Variants in USP19 observed in about 807,000 individuals in gnomAD.
USP19 encodes the protein ubiquitin specific peptidase 19, also known as ubiquitin carboxyl-terminal hydrolase 19.
USP19 carries 40 observed loss-of-function variants against 144.8 expected under a neutral mutation model. That is an observed-to-expected ratio of 0.28 (90% CI 0.21 to 0.36). The LOEUF is 0.36. Ranked by LOEUF, USP19 falls within the 10% of genes least tolerant of loss-of-function variation. USP19 has a pLI of 1.00. For synonymous variants in USP19, 701 were observed against 709.3 expected, an observed-to-expected ratio of 0.99 and a Z score of 0.19; for missense variants, 1,518 against 1,822.5, an observed-to-expected ratio of 0.83 and a Z score of 3.04.
intron 2 of USP19, 132 bp from the exon 3 acceptor site, chr3:49,118,252 T>G (rs1575498388): frequency 5.1e-5 from 20 of 392,472 alleles, no homozygotes; most frequent in South Asian, 2.5e-4. Context: ...TGTGCAAGAG[T>G]GAGACCCTGC....
chr3:49,112,045 G>A lies in USP19; in HGVS notation c.2769C>T (p.Leu923=). The change falls in exon 20 of 27, where the codon CTC becomes CTT. Residue 923 remains leucine, a synonymous_variant. Transcript: ENST00000417901. The surrounding 1 kb of genome is among the most constrained non-coding windows in gnomAD (Gnocchi z 4.9). ...GGTCAGGCCAGTGGGTTTTCTGGCA[G>A]AGCCTGACGGGAAGAGGAAGACAAG... ...RCYRVGYCNQ[L]CQKTHWPDHK... is the part of the protein sequence containing the mutation. The A allele has an allele frequency of 6.2e-7, 1 of 1,613,980 alleles. No individual in the cohort carries two copies. Among genetic ancestry groups the A allele is most frequent in the Non-Finnish European group, 8.5e-7 (1 of 1,179,974 alleles).
chr3:49,112,224 G>C lies in USP19; in HGVS notation c.2765+60C>G, dbSNP rs2043280634. The C allele has an allele frequency of 6.4e-7, 1 of 1,562,860 alleles. No homozygotes were observed. Among genetic ancestry groups the C allele is most frequent in the Non-Finnish European group, 8.7e-7 (1 of 1,154,010 alleles). Reference sequence around the variant, plus strand: ...ATATGTGCCTTGGTGTGAAGGGAAGGAGCAGGGTGGCACATGGAAGGTGGA... The same window carrying C: ...ATATGTGCCTTGGTGTGAAGGGAAGCAGCAGGGTGGCACATGGAAGGTGGA... On this transcript the variant is annotated intron_variant, in intron 19 of 26. Coordinates refer to ENST00000417901, the MANE Select transcript of USP19 (RefSeq NM_001199161.2). The surrounding 1 kb of genome is among the most constrained non-coding windows in gnomAD (Gnocchi z 4.9).
chr3:49,116,501 G>C lies in USP19; in HGVS notation c.1233C>G (p.Thr411=). ...HVYVKEICRD[T]SRVLFREQDF... Reference sequence around the variant, plus strand: ...CCTGCTCACGGAAAAGTACTCTTGAGGTGTCCCTGCAGATCTCCTTCACGT... The same window carrying C: ...CCTGCTCACGGAAAAGTACTCTTGACGTGTCCCTGCAGATCTCCTTCACGT... The change falls in exon 8 of 27, where the codon ACC becomes ACG. Residue 411 remains threonine, a synonymous_variant. Coordinates refer to ENST00000417901, the MANE Select transcript of USP19 (RefSeq NM_001199161.2). This position sits in a 1 kb window ranked among gnomAD's most constrained non-coding sequence, Gnocchi z 5.0. The C allele has an allele frequency of 6.2e-7, 1 of 1,614,214 alleles. No individual in the cohort carries two copies. Among genetic ancestry groups the C allele is most frequent in the Non-Finnish European group, 8.5e-7 (1 of 1,180,044 alleles).
chr3:49,109,425 C>G (rs1355113111), intron 26 of USP19, among the ~76,000 whole-genome samples: 1 of 152,128 alleles, frequency 6.6e-6, no homozygotes, highest in Non-Finnish European at 1.5e-5. Context: ...CCACATGCAG[C>G]TCCGCATGGA....
Position 49,116,031 on chromosome 3 carries a change from G to C in USP19, c.1471+16C>G, listed in dbSNP as rs1490620312. On this transcript the variant is annotated intron_variant, in intron 10 of 26. Coordinates refer to ENST00000417901, the MANE Select transcript of USP19 (RefSeq NM_001199161.2). This position sits in a 1 kb window ranked among gnomAD's most constrained non-coding sequence, Gnocchi z 5.0. ...GTCACGTGGAACTGGGCAATGAAGG[G>C]AGCTCGTGTGCAGACCTCGTGCAGC... The C allele has an allele frequency of 6.3e-7, 1 of 1,587,374 alleles. No individual in the cohort carries two copies. The highest frequency in any genetic ancestry group is 8.5e-7 in the Non-Finnish European group (1 of 1,171,268).
intron 2 of USP19, 103 bp downstream of exon 2, chr3:49,118,919 G>C: frequency 6.5e-7 from 1 of 1,544,958 alleles, no homozygotes; most frequent in South Asian, 1.2e-5. Flanking sequence ...ATCAAACCAG[G>C]ACAGAGAGAA....
At position 49,112,075 on chromosome 3, in the gene USP19, G is replaced by A; in HGVS notation, c.2766-27C>T. 1 of 1,612,308 alleles carries A rather than the reference G, an allele frequency of 6.2e-7. No homozygotes were observed. On this transcript the variant is annotated intron_variant, in intron 19 of 26. Transcript: ENST00000417901. The surrounding 1 kb of genome is among the most constrained non-coding windows in gnomAD (Gnocchi z 4.9). ...TGACGGGAAGAGGAAGACAAGGATA[G>A]GCCCTTAGCCCCATCTCCTATGACT...
In USP19 at chr3:49,110,561, G is replaced by T; in HGVS notation, c.3742C>A (p.Gln1248Lys). The T allele has an allele frequency of 1.9e-6, 3 of 1,614,056 alleles. No individual in the cohort carries two copies. The highest frequency in any genetic ancestry group is 2.5e-6 in the Non-Finnish European group (3 of 1,180,030). The change falls in exon 25 of 27, where the codon CAG becomes AAG. Residue 1248 changes from glutamine (Q) to lysine (K), a missense_variant. Gln to Lys is a moderately conservative substitution (Grantham distance 53). Coordinates refer to ENST00000417901, the MANE Select transcript of USP19 (RefSeq NM_001199161.2). The surrounding 1 kb of genome is among the most constrained non-coding windows in gnomAD (Gnocchi z 6.1). ...GCATATAGATCGTAGCTGGGCAGCT[G>T]CTCCTCTTTCTGACCAATGCAGAAC... is the stretch of plus-strand genomic sequence containing the variant. ...SKFCIGQKEE[Q>K]LPSYDLYAVI...
rs534345298 is a variant in USP19 at position 49,114,189 on chromosome 3, G to A, written c.2388C>T (p.His796=). 1 of 1,614,236 alleles carries A rather than the reference G, an allele frequency of 6.2e-7. No homozygotes were observed. Among genetic ancestry groups the A allele is most frequent in the East Asian group, 2.2e-5 (1 of 44,890 alleles). The change falls in exon 16 of 27, where the codon CAC becomes CAT. Residue 796 remains histidine (H), a synonymous_variant. Transcript: ENST00000417901. This position sits in a 1 kb window ranked among gnomAD's most constrained non-coding sequence, Gnocchi z 4.5. Reference sequence around the variant, plus strand: ...TACTCCTCACCTTGATGGGCTTGCTGTGGGGCTCTCGGGCAAAATAAAAGA... The same window carrying A: ...TACTCCTCACCTTGATGGGCTTGCTATGGGGCTCTCGGGCAAAATAAAAGA... The part of the protein sequence containing the change: ...LPVFYFAREP[H]SKPIKFLVSV...
Position 49,116,180 on chromosome 3 carries a change from A to C in USP19, c.1356-18T>G. ...TCAGATTCCTGTGGGAAAAGGCTGAACTCAGGGACTTAGGAGGAATGAGCA... is the reference window on the plus strand; with the variant it reads ...TCAGATTCCTGTGGGAAAAGGCTGACCTCAGGGACTTAGGAGGAATGAGCA... On this transcript the variant is annotated intron_variant, in intron 9 of 26. Coordinates refer to ENST00000417901, the MANE Select transcript of USP19 (RefSeq NM_001199161.2). The surrounding 1 kb of genome is among the most constrained non-coding windows in gnomAD (Gnocchi z 5.0). 6.2e-7 allele frequency: 1 copy of C among 1,613,894 alleles called. No homozygotes were observed. The highest frequency in any genetic ancestry group is 1.3e-5 in the African/African-American group (1 of 75,044).
intron 17 of USP19, among the ~76,000 whole-genome samples, chr3:49,113,784 G>A (rs1201928571): frequency 6.6e-6 from 1 of 152,088 alleles, no homozygotes; most frequent in Non-Finnish European, 1.5e-5. Context: ...TGTAGAGACA[G>A]TGTTTCACCA....
In USP19 at chr3:49,116,575, T is replaced by G. The variant is rs762662167; in HGVS notation, c.1159A>C (p.Lys387Gln). The part of the protein sequence containing the change: ...PESMVNLAFV[K>Q]NDSYEKGPDS... ...GGGCCCTTCTCATACGAGTCATTCT[T>G]GACAAACGCCAGGTTCACCATCGAC... Residue 387 changes from lysine (K) to glutamine (Q), a missense_variant, in exon 8 of 27, where the codon AAG becomes CAG. Physicochemically the swap from Lys to Gln is moderately conservative, Grantham distance 53 (BLOSUM62 1). Coordinates refer to ENST00000417901, the MANE Select transcript of USP19 (RefSeq NM_001199161.2). This position sits in a 1 kb window ranked among gnomAD's most constrained non-coding sequence, Gnocchi z 5.0. 9 of 1,614,054 alleles carry G rather than the reference T, an allele frequency of 5.6e-6. No individual in the cohort carries two copies. Among genetic ancestry groups the G allele is most frequent in the Non-Finnish European group, 5.1e-6 (6 of 1,180,046 alleles).
In USP19 at chr3:49,110,179, C is replaced by T; in HGVS notation, c.4038+5G>A. The T allele has an allele frequency of 1.3e-6, 2 of 1,515,270 alleles. No individual in the cohort carries two copies. Among genetic ancestry groups the T allele is most frequent in the South Asian group, 1.3e-5 (1 of 74,918 alleles). 93.9% of individuals were successfully genotyped at this position (1,515,270 alleles called of 1,614,324 possible). ...GTATTCTGTAAAGCCTCCCACATGC[C>T]TCACCTGGCTGGCAGCAGCCTCAGC... On this transcript the variant is annotated splice_donor_5th_base_variant and intron_variant, in intron 26 of 26. Coordinates refer to ENST00000417901, the MANE Select transcript of USP19 (RefSeq NM_001199161.2). The surrounding 1 kb of genome is among the most constrained non-coding windows in gnomAD (Gnocchi z 6.1).
rs376698404 is a variant in USP19 at position 49,116,097 on chromosome 3, C to T, written c.1421G>A (p.Arg474His). Residue 474 changes from arginine (R) to histidine (H), a missense_variant, in exon 10 of 27, where the codon CGT becomes CAT. Arg to His is a conservative substitution (Grantham distance 29). Transcript: ENST00000417901. The surrounding 1 kb of genome is among the most constrained non-coding windows in gnomAD (Gnocchi z 5.0). ...CCCCCAGCGCTGACTCTGCCTCTTA[C>T]GAAGGCAGATGTCGATGCGAGAAGC... is the stretch of plus-strand genomic sequence containing the variant. ...FTASRIDICL[R>H]KRQSQRWGGL... The T allele has an allele frequency of 9.3e-6, 15 of 1,612,814 alleles. No individual in the cohort carries two copies. The highest frequency in any genetic ancestry group is 4.4e-5 in the South Asian group (4 of 91,016).
At position 49,116,991 on chromosome 3, in the gene USP19, T is replaced by G; in HGVS notation, c.910-48A>C. 2 of 1,583,942 alleles carry G rather than the reference T, an allele frequency of 1.3e-6. No homozygotes were observed. The highest frequency in any genetic ancestry group is 1.7e-6 in the Non-Finnish European group (2 of 1,163,246). On this transcript the variant is annotated intron_variant, in intron 6 of 26. Coordinates refer to ENST00000417901, the MANE Select transcript of USP19 (RefSeq NM_001199161.2). The surrounding 1 kb of genome is among the most constrained non-coding windows in gnomAD (Gnocchi z 5.0). ...AAGAATCAGCCCTGGGTCTGCCAGG[T>G]GGCTCCCACTCCAGTGCACACCCTT...
At chr3:49,109,357 G>A (rs1032743628) in intron 26 of USP19, among the ~76,000 whole-genome samples, 1 of 151,790 alleles carries the variant, frequency 6.6e-6, no homozygotes, top group African/African-American at 2.4e-5. Context: ...TCCAGAGTAA[G>A]AGCACAAGGG....
rs999156995 is a variant in USP19, at chr3:49,108,834, C to T, written c.4039-306G>A. 6 of 1,451,538 alleles carry T rather than the reference C, an allele frequency of 4.1e-6. No individual in the cohort carries two copies. Among genetic ancestry groups the T allele is most frequent in the Non-Finnish European group, 3.6e-6 (4 of 1,100,834 alleles). The allele number at this position is 1,451,538 out of a possible 1,614,324, so 89.9% of individuals were successfully genotyped here. A position where few individuals can be genotyped will look rare whatever the true frequency, so the allele number is the denominator to read the frequency against. ...CTGCCCCTGCAGGGGCCACAACCTCCCCACCCTCTCCCACCAGATGCATAA... is the reference window on the plus strand; with the variant it reads ...CTGCCCCTGCAGGGGCCACAACCTCTCCACCCTCTCCCACCAGATGCATAA... On this transcript the variant is annotated intron_variant, in intron 26 of 26. Coordinates refer to ENST00000417901, the MANE Select transcript of USP19 (RefSeq NM_001199161.2). The surrounding 1 kb of genome is among the most constrained non-coding windows in gnomAD (Gnocchi z 4.8).
Position 49,108,469 on chromosome 3 carries a change from G to A in USP19, c.4098C>T (p.Phe1366=), listed in dbSNP as rs1162867853. Residue 1366 remains phenylalanine, a synonymous_variant, in exon 27 of 27, where the codon TTC becomes TTT. Transcript: ENST00000417901. This position sits in a 1 kb window ranked among gnomAD's most constrained non-coding sequence, Gnocchi z 4.8. ...GGGCTGGCCGATCCACAGGGGGGGCGAAGCGTTCAGGGGCTGTCCGCGTGG... is the reference window on the plus strand; with the variant it reads ...GGGCTGGCCGATCCACAGGGGGGGCAAAGCGTTCAGGGGCTGTCCGCGTGG... The part of the protein sequence containing the change: ...VAPTRTAPER[F]APPVDRPAPT... The A allele has an allele frequency of 7.4e-6, 10 of 1,345,564 alleles. No homozygotes were observed. Among genetic ancestry groups the A allele is most frequent in the Admixed American group, 3.4e-5 (1 of 29,082 alleles). The allele number at this position is 1,345,564 out of a possible 1,614,324, so 83.4% of individuals were successfully genotyped here.
Position 49,111,322 on chromosome 3 carries a change from G to A in USP19, c.3261C>T (p.Ala1087=), listed in dbSNP as rs1267278768. 1 of 1,614,132 alleles carries A rather than the reference G, an allele frequency of 6.2e-7. No homozygotes were observed. Among genetic ancestry groups the A allele is most frequent in the South Asian group, 1.1e-5 (1 of 91,078 alleles). ...GYQHPSEAMN[A]HTPQFFIYKI... is the part of the protein sequence containing the mutation. The stretch of plus-strand genomic sequence containing the variant: ...TATAGATGAAGAACTGGGGTGTGTG[G>A]GCATTCATAGCTTCACTTGGATGCT... Residue 1087 remains alanine, a synonymous_variant, in exon 22 of 27, where the codon GCC becomes GCT. Transcript: ENST00000417901. The surrounding 1 kb of genome is among the most constrained non-coding windows in gnomAD (Gnocchi z 5.9).
Sources: allele counts gnomAD v4.1 joint callset (sites outside exome capture counted in the v4.1 genomes callset), GRCh38; gene constraint gnomAD v4.1.1; non-coding constraint Gnocchi (gnomAD v3.1); transcripts MANE v1.5; gene names NCBI Gene and HGNC (gene_info 2026-07-23, HGNC 2026-07-21).